Variants in PTK2 observed in about 807,000 individuals in gnomAD.
PTK2 encodes the protein protein tyrosine kinase 2.
PTK2 carries 45 observed loss-of-function variants against 150.1 expected under a neutral mutation model. The observed-to-expected ratio is 0.30, with a 90% confidence interval of 0.24 to 0.38. PTK2 has a LOEUF of 0.38. PTK2 is among the 10% of genes least tolerant of loss of function. The probability of loss-of-function intolerance (pLI) is 1.00; values close to 1 mark genes in which losing one functional copy is unlikely to be tolerated. For synonymous variants in PTK2, 432 were observed against 449.2 expected, an observed-to-expected ratio of 0.96 and a Z score of 0.48; for missense variants, 919 against 1,307.3, an observed-to-expected ratio of 0.70 and a Z score of 4.58.
chr8:140,781,816 C>T (rs1183592653), intron 14 of PTK2, among the ~76,000 whole-genome samples: 2 of 152,162 alleles, frequency 1.3e-5, no homozygotes, highest in Non-Finnish European at 2.9e-5. Context: ...ATATGACCTC[C>T]AAGTATTCTT....
intron 26 of PTK2, among the ~76,000 whole-genome samples, chr8:140,698,619 A>T (rs894037555): frequency 4.0e-5 from 6 of 150,364 alleles, no homozygotes; most frequent in African/African-American, 1.5e-4. Context: ...ATGCCTGGCT[A>T]ATTTTTGTTT....
At chr8:140,901,668 A>G (rs1458773681) in intron 2 of PTK2, among the ~76,000 whole-genome samples, 1 of 149,248 alleles carries the variant, frequency 6.7e-6, no homozygotes, top group Non-Finnish European at 1.5e-5. Flanking sequence ...TTTTTTTTTA[A>G]ATACTTTTAA....
Position 140,744,533 on chromosome 8 carries a change from A to G in PTK2, c.1634+119T>C, listed in dbSNP as rs2100057584. On this transcript the variant is annotated intron_variant, in intron 19 of 31. Transcript: ENST00000522684. ...GAATACAATTTTGTAGAATTGGTAC[A>G]AAACTGTACCAAAGGGGACCCTGGA... 6 of 516,248 alleles carry G rather than the reference A, an allele frequency of 1.2e-5. 1 individual carries two copies. The South Asian group carries it at 2.9e-4, about 25-fold the overall frequency. The allele number at this position is 516,248 out of a possible 1,614,324, so 32.0% of individuals were successfully genotyped here. A position where few individuals can be genotyped will look rare whatever the true frequency, so the allele number is the denominator to read the frequency against.
chr8:140,679,743 C>T (rs2100016006), intron 27 of PTK2, among the ~76,000 whole-genome samples: 1 of 152,204 alleles, frequency 6.6e-6, no homozygotes, highest in Non-Finnish European at 1.5e-5. Context: ...CTGATGGGAT[C>T]AATTTTCCAC....
chr8:140,884,488 T>A (rs1312691461), intron 3 of PTK2, among the ~76,000 whole-genome samples: 7 of 152,132 alleles, frequency 4.6e-5, no homozygotes, highest in African/African-American at 1.4e-4. Context: ...CAATTGTTTT[T>A]AAATGTTTTT....
At chr8:140,719,621 A>G (rs1183074175) in intron 22 of PTK2, among the ~76,000 whole-genome samples, 1 of 152,152 alleles carries the variant, frequency 6.6e-6, no homozygotes, top group Non-Finnish European at 1.5e-5. Context: ...GATGGCATTT[A>G]CTTGAGGGCT....
chr8:140,902,939 T>G lies in PTK2; in HGVS notation c.-32-12170A>C, dbSNP rs1483818737. ...GATGAGAGTTGTTTTTTTTTTTTTT[T>G]TTTTTTTTTTTTTTTTTTTTGCCAT... On this transcript the variant is annotated intron_variant, in intron 2 of 31. Coordinates refer to ENST00000522684, the Ensembl canonical transcript of PTK2. 4.6e-3 allele frequency among the ~76,000 whole-genome samples: 636 copies of G among 139,564 alleles called. 9 individuals carry two copies. The highest frequency in any genetic ancestry group is 0.016 in the African/African-American group (607 of 38,468). The allele number at this position is 139,564 out of a possible 152,430, so 91.6% of individuals were successfully genotyped here.
At chr8:140,705,989 C>T in intron 24 of PTK2, 130 bp downstream of exon 27, 1 of 673,876 alleles carries the variant, frequency 1.5e-6, no homozygotes, top group Non-Finnish European at 2.4e-6. Context: ...AGGGTAACCA[C>T]TTTCTCAGCT....
intron 14 of PTK2, among the ~76,000 whole-genome samples, chr8:140,784,577 G>C (rs2100083775): frequency 6.6e-6 from 1 of 152,090 alleles, no homozygotes; most frequent in African/African-American, 2.4e-5. Flanking sequence ...CATTGGTTAA[G>C]CACTCCCTCC....
chr8:140,873,451 G>A (rs181418632), intron 4 of PTK2, among the ~76,000 whole-genome samples: 1 of 147,100 alleles, frequency 6.8e-6, no homozygotes, highest in African/African-American at 2.4e-5. Flanking sequence ...ATCTATTACT[G>A]AAGTGTCTGC....
intron 27 of PTK2, among the ~76,000 whole-genome samples, chr8:140,682,973 G>A (rs373103889): frequency 6.6e-6 from 1 of 151,974 alleles, no homozygotes; most frequent in Non-Finnish European, 1.5e-5. Context: ...CAACCCCAAA[G>A]CTAACAGAAA....
intron 3 of PTK2, among the ~76,000 whole-genome samples, chr8:140,880,523 G>T: frequency 6.6e-6 from 1 of 152,198 alleles, no homozygotes; most frequent in East Asian, 1.9e-4. Context: ...AACCAACTGT[G>T]ACCTTCTCAA....
At chr8:140,712,440 T>C (rs547385543) in intron 23 of PTK2, among the ~76,000 whole-genome samples, 1 of 152,304 alleles carries the variant, frequency 6.6e-6, no homozygotes, top group Non-Finnish European at 1.5e-5. Flanking sequence ...TGGGCACAAC[T>C]GTGGTATTGT....
intron 14 of PTK2, among the ~76,000 whole-genome samples, chr8:140,779,937 C>T (rs1164832875): frequency 1.3e-5 from 2 of 152,106 alleles, no homozygotes; most frequent in Admixed American, 1.3e-4. Context: ...ATCATCCAAC[C>T]TGGGGTGGTC....
At chr8:140,888,424 A>C (rs76211415) in intron 3 of PTK2, among the ~76,000 whole-genome samples, 5,712 of 152,334 alleles carry the variant, frequency 0.037, 144 homozygotes, top group Middle Eastern at 0.078. Context: ...TTCAATGCCA[A>C]CTGTGATTTT....
At chr8:140,771,082 T>A (rs2100075225) in intron 14 of PTK2, 1 of 154,774 alleles carries the variant, frequency 6.5e-6, no homozygotes, top group Non-Finnish European at 1.4e-5. Flanking sequence ...AATATTCAGA[T>A]ATTTTTCCAA....
At chr8:140,948,730 T>C (rs1327602225) in intron 1 of PTK2, 1 of 152,186 alleles carries the variant, frequency 6.6e-6, no homozygotes, top group East Asian at 1.9e-4. Context: ...GGATCTAAAA[T>C]ATTTGAGGAA....
At chr8:140,863,749 A>G (rs2100137641) in intron 5 of PTK2, among the ~76,000 whole-genome samples, 1 of 152,238 alleles carries the variant, frequency 6.6e-6, no homozygotes, top group Admixed American at 6.5e-5. Context: ...AGACAGAAGA[A>G]TTTAAAGGTG....
intron 1 of PTK2, among the ~76,000 whole-genome samples, chr8:140,927,826 A>T (rs989276369): frequency 6.6e-6 from 1 of 150,610 alleles, no homozygotes; most frequent in African/African-American, 2.4e-5. Flanking sequence ...GTGGTGGCAC[A>T]TGCTTGTAAT....
Sources: gnomAD v4.1 joint callset for allele counts (sites outside exome capture counted in the v4.1 genomes callset) on GRCh38, gnomAD v4.1.1 for gene constraint, MANE v1.5 for transcripts, NCBI Gene and HGNC (gene_info 2026-07-23, HGNC 2026-07-21) for gene names.